The following DENND1B variants were observed in gnomAD, a reference collection of about 807,000 sequenced individuals.
The protein encoded by DENND1B is DENN domain containing 1B.
DENND1B carries 59 observed loss-of-function variants against 90.1 expected under a neutral mutation model. The observed-to-expected ratio is 0.65, with a 90% CI of 0.53 to 0.81. DENND1B has a LOEUF of 0.81. Among genes scored for constraint, DENND1B ranks in the 40% least tolerant of loss-of-function variants. The pLI is 0.00. For missense variants in DENND1B, 862 were observed against 912.6 expected (o/e 0.94, Z 0.71); for synonymous variants, 337 against 324.6 (o/e 1.04, Z -0.41).
chr1:197,777,037 A>G (rs1229174810), upstream of DENND1B, among the ~76,000 whole-genome samples: 1 of 152,154 alleles, frequency 6.6e-6, no homozygotes, highest in Admixed American at 6.5e-5. Flanking sequence ...AAACTATACT[A>G]CATAAGTTTT....
At chr1:197,612,074 A>G (rs1677232149) in intron 11 of DENND1B, 98 bp from the exon 12 acceptor site, 1 of 949,252 alleles carries the variant, frequency 1.1e-6, no homozygotes. Flanking sequence ...AAATGTATTA[A>G]ATGCTCAGTT....
intron 1 of DENND1B, among the ~76,000 whole-genome samples, chr1:197,773,470 G>C (rs902406611): frequency 6.6e-6 from 1 of 152,192 alleles, no homozygotes; most frequent in African/African-American, 2.4e-5. Flanking sequence ...AATGCTCCAT[G>C]AATGTGATAC....
At chr1:197,738,334 T>TA (rs562597695) in intron 2 of DENND1B, among the ~76,000 whole-genome samples, 135 of 152,350 alleles carry the variant, frequency 8.9e-4, no homozygotes, top group Non-Finnish European at 1.7e-3. Context: ...TAAATCCACA[T>TA]AGAGAATGAC....
intron 2 of DENND1B, among the ~76,000 whole-genome samples, chr1:197,771,068 T>G (rs1019097345): frequency 4.0e-5 from 6 of 151,654 alleles, no homozygotes; most frequent in Admixed American, 2.0e-4. Flanking sequence ...TAGGCCACCA[T>G]GCCTGCATAA....
At chr1:197,760,919 T>C (rs1335996566) in intron 2 of DENND1B, among the ~76,000 whole-genome samples, 1 of 152,158 alleles carries the variant, frequency 6.6e-6, no homozygotes, top group East Asian at 1.9e-4. Context: ...GGGTATACAG[T>C]CAACATCCCT....
chr1:197,513,771 A>G (rs1360018351), intron 20 of DENND1B, among the ~76,000 whole-genome samples: 1 of 151,520 alleles, frequency 6.6e-6, no homozygotes, highest in Non-Finnish European at 1.5e-5. Flanking sequence ...CAAAGTTAAC[A>G]TTGTATTTGG....
At chr1:197,727,939 A>T (rs550897924) in intron 2 of DENND1B, among the ~76,000 whole-genome samples, 64 of 152,340 alleles carry the variant, frequency 4.2e-4, no homozygotes, top group African/African-American at 1.5e-3. Context: ...AATATCTCAG[A>T]AGATAATTTA....
chr1:197,748,585 A>G (rs1050359835), intron 2 of DENND1B, among the ~76,000 whole-genome samples: 31 of 152,208 alleles, frequency 2.0e-4, no homozygotes, highest in Non-Finnish European at 3.4e-4. Context: ...TATCAGAGGG[A>G]CAAACTAGGA....
intron 20 of DENND1B, among the ~76,000 whole-genome samples, chr1:197,532,218 GTTTT>G: frequency 9.7e-5 from 1 of 10,356 alleles, no homozygotes; most frequent in African/African-American, 1.0e-4. Context: ...TTCTTCATGT[GTTTT>G]TTGGCTGCAT....
intron 2 of DENND1B, among the ~76,000 whole-genome samples, chr1:197,760,732 A>G (rs1302166287): frequency 1.3e-5 from 2 of 152,176 alleles, no homozygotes; most frequent in African/African-American, 2.4e-5. Context: ...GGGCTTTATA[A>G]TGAATTTTAA....
chr1:197,689,512 G>A (rs1256312395), intron 3 of DENND1B: 1 of 152,480 alleles, frequency 6.6e-6, no homozygotes, highest in African/African-American at 2.4e-5. Flanking sequence ...TGATGAATCT[G>A]AACTTGGTAT....
At chr1:197,634,970 G>T (rs1679646323) in intron 10 of DENND1B, among the ~76,000 whole-genome samples, 1 of 146,094 alleles carries the variant, frequency 6.8e-6, no homozygotes, top group Non-Finnish European at 1.5e-5. Flanking sequence ...CCAACACCTT[G>T]GCGACAAGAG....
intron 20 of DENND1B, among the ~76,000 whole-genome samples, chr1:197,534,946 C>A (rs536475335): frequency 1.3e-5 from 2 of 152,282 alleles, no homozygotes; most frequent in Non-Finnish European, 2.9e-5. Context: ...TCTGCCTCTT[C>A]CATAACATAC....
intron 9 of DENND1B, 51 bp downstream of exon 9, chr1:197,645,639 A>G: frequency 1.7e-6 from 2 of 1,205,052 alleles, no homozygotes; most frequent in Non-Finnish European, 2.2e-6. Flanking sequence ...AGACCAAAAT[A>G]AACAAAATTA....
chr1:197,566,360 GT>G (rs1672667380), intron 15 of DENND1B, among the ~76,000 whole-genome samples: 1 of 151,750 alleles, frequency 6.6e-6, no homozygotes, highest in Non-Finnish European at 1.5e-5. Context: ...TTGTAAATTT[GT>G]TTGAGTTCAT....
chr1:197,691,556 C>A (rs1657886115), intron 3 of DENND1B, among the ~76,000 whole-genome samples: 2 of 151,786 alleles, frequency 1.3e-5, no homozygotes, highest in African/African-American at 2.4e-5. Context: ...AACAGTTTCC[C>A]AAAAAATTAA....
intron 13 of DENND1B, among the ~76,000 whole-genome samples, chr1:197,596,645 T>C (rs1675724517): frequency 6.6e-6 from 1 of 151,616 alleles, no homozygotes; most frequent in African/African-American, 2.4e-5. Flanking sequence ...CATGCACACA[T>C]ATACACACAC....
intron 3 of DENND1B, among the ~76,000 whole-genome samples, chr1:197,675,888 T>C (rs1656009837): frequency 6.6e-6 from 1 of 152,110 alleles, no homozygotes; most frequent in South Asian, 2.1e-4. Context: ...GCTTCCCAGT[T>C]AGTTGCTCAA....
chr1:197,674,196 A>G, intron 3 of DENND1B, 27 bp from the exon 4 acceptor site: 1 of 1,527,114 alleles, frequency 6.5e-7, no homozygotes, highest in East Asian at 2.3e-5. Context: ...CAAAAAAAAG[A>G]AATAAGTTTT....
Sources: allele counts gnomAD v4.1 joint callset (sites outside exome capture counted in the v4.1 genomes callset), GRCh38; gene constraint gnomAD v4.1.1; transcripts MANE v1.5; gene names NCBI Gene and HGNC (gene_info 2026-07-23, HGNC 2026-07-21).